LIPC: variants seen among roughly 807,000 people sequenced by gnomAD.
LIPC encodes hepatic triacylglycerol lipase.
LIPC carries 44 observed loss-of-function variants against 50.7 expected under a neutral mutation model. That is an observed-to-expected ratio of 0.87 (90% CI 0.68 to 1.11). LIPC has a LOEUF of 1.11. Among genes scored for constraint, LIPC ranks in the 50% most tolerant of loss-of-function variants. The probability of loss-of-function intolerance (pLI) is 0.00; values close to 1 mark genes in which losing one functional copy is unlikely to be tolerated. For missense variants in LIPC, 697 were observed against 648.2 expected (o/e 1.08, Z -0.82); for synonymous variants, 271 against 256.4 (o/e 1.06, Z -0.54).
At chr15:58,472,917 G>C (rs947273969) in intron 1 of LIPC, among the ~76,000 whole-genome samples, 28 of 152,158 alleles carry the variant, frequency 1.8e-4, no homozygotes, top group Non-Finnish European at 3.2e-4. Context: ...GTCTGACTAC[G>C]GCTGTTACTA....
chr15:58,561,090 C>T (rs1299597756), intron 7 of LIPC, 109 bp downstream of exon 7: 3 of 762,388 alleles, frequency 3.9e-6, no homozygotes, highest in Non-Finnish European at 7.3e-6. Flanking sequence ...CTACTTTATT[C>T]CAGACGCAAA....
intron 1 of LIPC, among the ~76,000 whole-genome samples, chr15:58,495,625 T>C (rs1469886013): frequency 1.3e-5 from 2 of 152,288 alleles, no homozygotes; most frequent in South Asian, 2.1e-4. Context: ...GATGAGGAAA[T>C]TGAGGCTCAG....
intron 1 of LIPC, among the ~76,000 whole-genome samples, chr15:58,535,717 A>C (rs1183290964): frequency 6.6e-6 from 1 of 152,208 alleles, no homozygotes; most frequent in Non-Finnish European, 1.5e-5. Context: ...TTCTAATTAC[A>C]TGTCAGGCAT....
intron 1 of LIPC, among the ~76,000 whole-genome samples, chr15:58,481,326 A>C (rs1332333080): frequency 6.6e-6 from 1 of 152,250 alleles, no homozygotes; most frequent in African/African-American, 2.4e-5. Flanking sequence ...CCTTTGACAC[A>C]GTAATTGCAC....
chr15:58,478,016 C>T (rs538784899), intron 1 of LIPC, among the ~76,000 whole-genome samples: 8 of 152,178 alleles, frequency 5.3e-5, no homozygotes, highest in African/African-American at 1.9e-4. Context: ...CACACCTGTC[C>T]CAGGCTCTGG....
At chr15:58,491,072 C>A (rs778220816) in intron 1 of LIPC, among the ~76,000 whole-genome samples, 28 of 152,190 alleles carry the variant, frequency 1.8e-4, no homozygotes, top group Non-Finnish European at 1.5e-5. Context: ...GGAACAAAAG[C>A]ACCCTTGAAG....
intron 8 of LIPC, among the ~76,000 whole-genome samples, chr15:58,567,341 ATATG>A (rs1566955219): frequency 1.9e-3 from 32 of 16,776 alleles, no homozygotes; most frequent in Admixed American, 3.7e-3. Flanking sequence ...ATATATATGT[ATATG>A]TATATATATA....
At chr15:58,550,879 C>A (rs1233665653) in intron 6 of LIPC, among the ~76,000 whole-genome samples, 1 of 132,682 alleles carries the variant, frequency 7.5e-6, no homozygotes, top group Non-Finnish European at 1.5e-5. Flanking sequence ...CTCTGTCGCC[C>A]AGGCTGGAGT....
chr15:58,486,151 C>G (rs1891369294), intron 1 of LIPC, among the ~76,000 whole-genome samples: 1 of 152,202 alleles, frequency 6.6e-6, no homozygotes, highest in Non-Finnish European at 1.5e-5. Flanking sequence ...TCTATTCTAA[C>G]AGTGCCACTC....
At chr15:58,486,135 G>C (rs1225880902) in intron 1 of LIPC, among the ~76,000 whole-genome samples, 1 of 152,156 alleles carries the variant, frequency 6.6e-6, no homozygotes, top group East Asian at 1.9e-4. Context: ...CCTTGACATG[G>C]ACGGCTCTAT....
intron 1 of LIPC, among the ~76,000 whole-genome samples, chr15:58,439,013 T>A (rs1295484636): frequency 6.6e-6 from 1 of 152,208 alleles, no homozygotes; most frequent in African/African-American, 2.4e-5. Flanking sequence ...CCTCCACTTG[T>A]GCAGGTTCAT....
intron 4 of LIPC, among the ~76,000 whole-genome samples, chr15:58,544,454 G>A (rs1893454042): frequency 7.2e-6 from 1 of 138,742 alleles, no homozygotes; most frequent in South Asian, 2.3e-4. Context: ...ACAGGGCAGT[G>A]GCATGATCTT....
rs528156415 is a variant in LIPC, at chr15:58,509,412, T to C, written c.89-28921T>C. Among the ~76,000 whole-genome samples, 5 of 152,338 alleles carry C rather than the reference T, an allele frequency of 3.3e-5. No homozygotes were observed. The East Asian group carries it at 9.6e-4, about 29-fold the overall frequency. On this transcript the variant is annotated intron_variant, in intron 1 of 8. Transcript: ENST00000299022. Reference sequence around the variant, plus strand: ...ACTGAAATTGGAATACTGGAGCAACTACCTACTAGCCACAGGCAGGTTACT... The same window carrying C: ...ACTGAAATTGGAATACTGGAGCAACCACCTACTAGCCACAGGCAGGTTACT...
chr15:58,440,627 G>A (rs1471689655), intron 1 of LIPC, among the ~76,000 whole-genome samples: 1 of 152,222 alleles, frequency 6.6e-6, no homozygotes, highest in East Asian at 1.9e-4. Flanking sequence ...TGTGGGGGCA[G>A]GGAGGTTGGA....
At position 58,479,462 on chromosome 15, in the gene LIPC, T is replaced by C. The variant is rs116915182; in HGVS notation, c.88+47342T>C. ...TACTAAAGTCAGGCAATTAGCAGTGTTTGCAATATTACAGGCAAATGAAAT... is the reference window on the plus strand; with the variant it reads ...TACTAAAGTCAGGCAATTAGCAGTGCTTGCAATATTACAGGCAAATGAAAT... On this transcript the variant is annotated intron_variant, in intron 1 of 8. Transcript: ENST00000299022. Among the ~76,000 whole-genome samples the C allele has an allele frequency of 7.2e-3, 1,103 of 152,360 alleles. 6 individuals are homozygous for C. The highest frequency in any genetic ancestry group is 0.018 in the Admixed American group (282 of 15,308).
intron 8 of LIPC, among the ~76,000 whole-genome samples, chr15:58,567,294 C>CAT (rs748652075): frequency 0.55 from 41,297 of 75,532 alleles, 9,070 homozygotes; most frequent in Non-Finnish European, 0.61. Context: ...TATATATATA[C>CAT]ATATATATAT....
At chr15:58,533,331 G>T (rs1595926340) in intron 1 of LIPC, 1 of 199,024 alleles carries the variant, frequency 5.0e-6, no homozygotes, top group East Asian at 1.9e-4. Flanking sequence ...TGCTGGAAAA[G>T]TGCCTGGCAC....
At chr15:58,534,713 T>A (rs1893058933) in intron 1 of LIPC, among the ~76,000 whole-genome samples, 1 of 152,190 alleles carries the variant, frequency 6.6e-6, no homozygotes, top group Admixed American at 6.5e-5. Flanking sequence ...CCCGCTTCCC[T>A]CTTTGATGTG....
At chr15:58,454,211 C>G (rs1318850175) in intron 1 of LIPC, 2 of 152,202 alleles carry the variant, frequency 1.3e-5, no homozygotes, top group African/African-American at 4.8e-5. Flanking sequence ...GAGCAAATAA[C>G]CAGAGAAATA....
Sources: allele counts gnomAD v4.1 joint callset (sites outside exome capture counted in the v4.1 genomes callset), GRCh38; gene constraint gnomAD v4.1.1; transcripts MANE v1.5; gene names NCBI Gene and HGNC (gene_info 2026-07-23, HGNC 2026-07-21).